The following CEP112 variants were observed in gnomAD, a reference collection of about 807,000 sequenced individuals.
The protein encoded by CEP112 is centrosomal protein of 112 kDa.
A neutral mutation model predicts 153.0 loss-of-function variants in CEP112; 127 were observed. The observed-to-expected ratio is 0.83, with a 90% CI of 0.72 to 0.96. CEP112 has a LOEUF of 0.96. Among genes scored for constraint, CEP112 ranks in the 40% least tolerant of loss-of-function variants. The pLI, the probability that CEP112 is intolerant of heterozygous loss-of-function variation, is 0.00. For synonymous variants in CEP112, 358 were observed against 374.4 expected (o/e 0.96, Z 0.51); for missense variants, 1,089 against 1,101.2 (o/e 0.99, Z 0.16).
chr17:65,711,829 A>G (rs902605748), intron 23 of CEP112, among the ~76,000 whole-genome samples: 1 of 152,212 alleles, frequency 6.6e-6, no homozygotes. Context: ...GAGCAGACAG[A>G]TTCCACTTTC....
At chr17:66,123,950 T>C (rs1568517670) in intron 6 of CEP112, among the ~76,000 whole-genome samples, 1 of 152,244 alleles carries the variant, frequency 6.6e-6, no homozygotes, top group Non-Finnish European at 1.5e-5. Flanking sequence ...GCTTGTTCAT[T>C]TGTCTCAGTG....
chr17:66,142,403 TTA>T (rs554849278), intron 4 of CEP112, among the ~76,000 whole-genome samples: 62 of 152,294 alleles, frequency 4.1e-4, no homozygotes, highest in African/African-American at 1.5e-3. Flanking sequence ...TGTTTTGGGG[TTA>T]TATCTAAGAA....
chr17:66,171,871 G>T (rs115457284), intron 4 of CEP112, among the ~76,000 whole-genome samples: 52 of 152,292 alleles, frequency 3.4e-4, no homozygotes, highest in African/African-American at 1.3e-3. Flanking sequence ...ACATTTGACA[G>T]AGGATATTTT....
At chr17:66,097,266 C>A (rs1232030555) in intron 6 of CEP112, among the ~76,000 whole-genome samples, 8 of 152,112 alleles carry the variant, frequency 5.3e-5, no homozygotes, top group Non-Finnish European at 1.0e-4. Context: ...TAAGATCATT[C>A]CCCCAACTTC....
At chr17:65,752,691 C>A (rs1598471704) in intron 21 of CEP112, among the ~76,000 whole-genome samples, 2 of 152,298 alleles carry the variant, frequency 1.3e-5, no homozygotes, top group African/African-American at 4.8e-5. Flanking sequence ...AATTCCTGAA[C>A]CTTCCCAAAG....
At chr17:65,949,599 G>C (rs1431280232) in intron 18 of CEP112, among the ~76,000 whole-genome samples, 2 of 152,126 alleles carry the variant, frequency 1.3e-5, no homozygotes, top group Non-Finnish European at 2.9e-5. Context: ...ATACCAAGAA[G>C]ACAGAAACAC....
intron 21 of CEP112, among the ~76,000 whole-genome samples, chr17:65,851,162 GA>G (rs950950563): frequency 1.3e-5 from 2 of 152,188 alleles, no homozygotes; most frequent in African/African-American, 4.8e-5. Flanking sequence ...AGAAACTCAA[GA>G]GGCAATTTTG....
rs575594142 is a variant in CEP112, at chr17:66,176,764, G to A, written c.297+66C>T. On this transcript the variant is annotated intron_variant, in intron 3 of 26. Transcript: ENST00000535342. ...CCTAATAGTATTACCATTCCCCAAA[G>A]GGATGATAACTTGACGCTTTTTTTT... The A allele has an allele frequency of 1.0e-5, 13 of 1,238,420 alleles. No individual in the cohort carries two copies. In the East Asian group the frequency reaches 2.6e-4, roughly 25 times the overall value. 76.7% of individuals were successfully genotyped at this position (1,238,420 alleles called of 1,614,324 possible). A position where few individuals can be genotyped will look rare whatever the true frequency, so the allele number is the denominator to read the frequency against.
intron 24 of CEP112, among the ~76,000 whole-genome samples, chr17:65,675,145 A>C (rs942246908): frequency 2.0e-5 from 3 of 152,246 alleles, no homozygotes; most frequent in Non-Finnish European, 4.4e-5. Flanking sequence ...AGACATAGGA[A>C]ACAGGGCTAG....
chr17:65,947,092 C>T (rs890869569), intron 18 of CEP112, among the ~76,000 whole-genome samples: 17 of 152,174 alleles, frequency 1.1e-4, no homozygotes, highest in African/African-American at 3.9e-4. Context: ...AAGTTCATTA[C>T]CAATAACATT....
intron 23 of CEP112, among the ~76,000 whole-genome samples, chr17:65,729,868 G>A (rs1205940785): frequency 2.6e-5 from 4 of 152,088 alleles, no homozygotes; most frequent in African/African-American, 9.7e-5. Context: ...AGCCAAGATC[G>A]TGCCACTGCA....
chr17:66,017,585 G>C (rs2064824918), intron 16 of CEP112, among the ~76,000 whole-genome samples: 2 of 152,030 alleles, frequency 1.3e-5, no homozygotes, highest in South Asian at 4.1e-4. Context: ...TGCATTTTTA[G>C]TTTTTACCTA....
chr17:65,729,542 C>T (rs1482238022), intron 23 of CEP112, among the ~76,000 whole-genome samples: 1 of 152,142 alleles, frequency 6.6e-6, no homozygotes, highest in Non-Finnish European at 1.5e-5. Context: ...GTTCATTATA[C>T]TGCCTTTGAA....
At chr17:65,946,928 G>T (rs574614809) in intron 18 of CEP112, among the ~76,000 whole-genome samples, 122 of 152,132 alleles carry the variant, frequency 8.0e-4, no homozygotes, top group African/African-American at 2.9e-3. Context: ...TTATTCTTGG[G>T]TAAGTGATGC....
intron 3 of CEP112, 129 bp downstream of exon 3, chr17:66,176,700 GA>G (rs992200836): frequency 2.4e-5 from 14 of 590,542 alleles, no homozygotes; most frequent in South Asian, 5.3e-5. Flanking sequence ...GAATCAGGAA[GA>G]AAAAAAACAA....
At chr17:65,931,703 G>A (rs1433835185) in intron 18 of CEP112, among the ~76,000 whole-genome samples, 1 of 152,230 alleles carries the variant, frequency 6.6e-6, no homozygotes, top group Non-Finnish European at 1.5e-5. Flanking sequence ...TCCCTAGCCA[G>A]ATTTGCCACC....
intron 8 of CEP112, among the ~76,000 whole-genome samples, chr17:66,071,644 G>A (rs1033189232): frequency 1.3e-5 from 2 of 152,074 alleles, no homozygotes. Flanking sequence ...ATATGCTTAA[G>A]CAATCCATTA....
At chr17:65,883,645 G>A (rs1243790050) in intron 20 of CEP112, among the ~76,000 whole-genome samples, 1 of 152,174 alleles carries the variant, frequency 6.6e-6, no homozygotes, top group Non-Finnish European at 1.5e-5. Context: ...GGGATTACAG[G>A]CGTGAGCCAC....
At chr17:66,090,335 GATATT>G (rs1176701027) in intron 8 of CEP112, among the ~76,000 whole-genome samples, 6 of 151,784 alleles carry the variant, frequency 4.0e-5, no homozygotes, top group Admixed American at 1.3e-4. Context: ...TTAGTATGAA[GATATT>G]ATATTATTTA....
Sources: allele counts gnomAD v4.1 joint callset (sites outside exome capture counted in the v4.1 genomes callset), GRCh38; gene constraint gnomAD v4.1.1; transcripts MANE v1.5; gene names NCBI Gene and HGNC (gene_info 2026-07-23, HGNC 2026-07-21).